The following CADPS variants were observed in gnomAD, a reference collection of about 807,000 sequenced individuals.
CADPS encodes calcium dependent secretion activator.
Under a neutral mutation model 167.3 loss-of-function variants are expected in CADPS, and 57 were observed. That is an observed-to-expected ratio of 0.34 (90% CI 0.28 to 0.42). CADPS has a LOEUF of 0.42. Ranked by LOEUF, CADPS falls within the 20% of genes least tolerant of loss-of-function variation. The probability of loss-of-function intolerance (pLI) is 1.00; values close to 1 mark genes in which losing one functional copy is unlikely to be tolerated. For missense variants in CADPS, 1,414 were observed against 1,738.1 expected (o/e 0.81, Z 3.32); for synonymous variants, 676 against 635.3 (o/e 1.06, Z -0.96).
intron 28 of CADPS, among the ~76,000 whole-genome samples, chr3:62,435,004 A>T (rs1399613546): frequency 6.6e-6 from 1 of 152,178 alleles, no homozygotes; most frequent in African/African-American, 2.4e-5. Flanking sequence ...ATGACACAAC[A>T]GTCAGAATCA....
chr3:62,427,444 A>G (rs1442225027), intron 28 of CADPS, among the ~76,000 whole-genome samples: 1 of 152,158 alleles, frequency 6.6e-6, no homozygotes, highest in African/African-American at 2.4e-5. Context: ...AGTATCATCT[A>G]GAGCATGGTT....
chr3:62,584,539 G>A (rs2148588452), intron 8 of CADPS, among the ~76,000 whole-genome samples: 1 of 152,118 alleles, frequency 6.6e-6, no homozygotes, highest in East Asian at 1.9e-4. Context: ...ACATCCATGT[G>A]ATTTAGTTTA....
intron 13 of CADPS, among the ~76,000 whole-genome samples, chr3:62,525,096 G>C (rs190115086): frequency 2.6e-4 from 40 of 152,250 alleles, no homozygotes; most frequent in Non-Finnish European, 4.4e-4. Context: ...ATGGGATAAA[G>C]ACACATTGTT....
chr3:62,564,074 T>C (rs986410462), intron 9 of CADPS, among the ~76,000 whole-genome samples: 1 of 152,088 alleles, frequency 6.6e-6, no homozygotes, highest in Non-Finnish European at 1.5e-5. Context: ...TGATCTCGGC[T>C]CACTGCAAAC....
intron 1 of CADPS, among the ~76,000 whole-genome samples, chr3:62,770,395 T>A (rs1391287945): frequency 6.6e-6 from 1 of 152,184 alleles, no homozygotes. Context: ...ATATACTTTA[T>A]CAGCACAGAA....
At chr3:62,661,790 T>C (rs1162611272) in intron 4 of CADPS, among the ~76,000 whole-genome samples, 1 of 152,060 alleles carries the variant, frequency 6.6e-6, no homozygotes, top group African/African-American at 2.4e-5. Flanking sequence ...GTAGTAGGGC[T>C]GGAAAACAGT....
intron 26 of CADPS, among the ~76,000 whole-genome samples, 177 bp from the exon 27 acceptor site, chr3:62,445,974 T>A (rs1237297813): frequency 1.3e-5 from 2 of 152,230 alleles, no homozygotes; most frequent in African/African-American, 4.8e-5. Flanking sequence ...CCATAGCCAC[T>A]GCTTTGCAGA....
At chr3:62,787,713 G>A (rs2092588987) in intron 1 of CADPS, among the ~76,000 whole-genome samples, 1 of 152,124 alleles carries the variant, frequency 6.6e-6, no homozygotes, top group Non-Finnish European at 1.5e-5. Context: ...TTTGAATTTT[G>A]AATCTATTGT....
intron 6 of CADPS, among the ~76,000 whole-genome samples, chr3:62,626,975 T>C (rs2064206542): frequency 6.6e-6 from 1 of 152,152 alleles, no homozygotes; most frequent in Non-Finnish European, 1.5e-5. Flanking sequence ...GAGGGTGTCT[T>C]ACAAGTAGAT....
At position 62,874,358 on chromosome 3, in the gene CADPS, G is replaced by GCGCTC. The variant is rs2083252878; in HGVS notation, c.441+226_441+230dup. On this transcript the variant is annotated intron_variant, in intron 1 of 29. Coordinates refer to ENST00000383710, the MANE Select transcript of CADPS (RefSeq NM_003716.4). This position sits in a 1 kb window ranked among gnomAD's most constrained non-coding sequence, Gnocchi z 7.1. The stretch of plus-strand genomic sequence containing the variant: ...TGGGGGGGCTCGAGCAAGCGGCGCT[G>GCGCTC]CGCTCCGCGGCCCTCGCCGGTCCCA... 6.6e-6 allele frequency among the ~76,000 whole-genome samples: 1 copy of GCGCTC among 152,160 alleles called. No homozygotes were observed. Among genetic ancestry groups the GCGCTC allele is most frequent in the Non-Finnish European group, 1.5e-5 (1 of 68,026 alleles).
At chr3:62,661,605 G>A (rs1354902854) in intron 4 of CADPS, among the ~76,000 whole-genome samples, 1 of 152,180 alleles carries the variant, frequency 6.6e-6, no homozygotes, top group Non-Finnish European at 1.5e-5. Flanking sequence ...TGGGAGCAAT[G>A]AGGGAATCTA....
chr3:62,826,121 G>A (rs893363465), intron 1 of CADPS, among the ~76,000 whole-genome samples: 1 of 152,154 alleles, frequency 6.6e-6, no homozygotes, highest in Non-Finnish European at 1.5e-5. Flanking sequence ...GAGGCAGGTG[G>A]TAGAAGATGC....
chr3:62,442,325 C>A (rs1369863891), intron 27 of CADPS, among the ~76,000 whole-genome samples: 1 of 151,720 alleles, frequency 6.6e-6, no homozygotes, highest in African/African-American at 2.4e-5. Context: ...GATTCTCCTG[C>A]CTCAGCCTCT....
At chr3:62,597,243 G>A (rs1016608926) in intron 6 of CADPS, among the ~76,000 whole-genome samples, 10 of 152,094 alleles carry the variant, frequency 6.6e-5, no homozygotes, top group African/African-American at 2.2e-4. Flanking sequence ...CTACTTGGGA[G>A]GCCAAGGCCT....
intron 6 of CADPS, among the ~76,000 whole-genome samples, chr3:62,638,948 T>A (rs754851541): frequency 2.0e-5 from 3 of 152,158 alleles, no homozygotes; most frequent in Non-Finnish European, 4.4e-5. Flanking sequence ...TGGAGAAGAA[T>A]TAGGAGCTCT....
chr3:62,460,306 C>T (rs188792895), intron 26 of CADPS, among the ~76,000 whole-genome samples: 3 of 152,188 alleles, frequency 2.0e-5, no homozygotes, highest in Non-Finnish European at 4.4e-5. Flanking sequence ...CTGTCCAAGG[C>T]AGACACCTCC....
At chr3:62,610,493 C>T (rs2061359679) in intron 6 of CADPS, among the ~76,000 whole-genome samples, 1 of 152,156 alleles carries the variant, frequency 6.6e-6, no homozygotes, top group Admixed American at 6.5e-5. Flanking sequence ...TCAAGTGATC[C>T]ACCCACCTCG....
intron 1 of CADPS, among the ~76,000 whole-genome samples, chr3:62,860,437 C>T (rs1022867446): frequency 1.3e-5 from 2 of 152,150 alleles, no homozygotes; most frequent in Non-Finnish European, 2.9e-5. Context: ...CCATCCCGTT[C>T]TGGCATACAC....
chr3:62,632,357 T>A (rs1185477240), intron 6 of CADPS, among the ~76,000 whole-genome samples: 3 of 152,188 alleles, frequency 2.0e-5, no homozygotes, highest in South Asian at 2.1e-4. Flanking sequence ...AATATTATTT[T>A]AAAAATGTAG....
Sources: allele counts gnomAD v4.1 joint callset (sites outside exome capture counted in the v4.1 genomes callset), GRCh38; gene constraint gnomAD v4.1.1; non-coding constraint Gnocchi (gnomAD v3.1); transcripts MANE v1.5; gene names NCBI Gene and HGNC (gene_info 2026-07-23, HGNC 2026-07-21).